The following PRDX1 variants were observed in gnomAD, a reference collection of about 807,000 sequenced individuals.
The protein encoded by PRDX1 is peroxiredoxin 1.
In PRDX1, 19 loss-of-function variants were observed where a neutral mutation model predicts 20.7. That is an observed-to-expected ratio of 0.92 (90% CI 0.64 to 1.35). The LOEUF is 1.35. Among genes scored for constraint, PRDX1 ranks in the 40% most tolerant of loss-of-function variants. The pLI, the probability that PRDX1 is intolerant of heterozygous loss-of-function variation, is 0.00. For synonymous variants in PRDX1, 89 were observed against 83.9 expected, an observed-to-expected ratio of 1.06 and a Z score of -0.33; for missense variants, 226 against 240.0, an observed-to-expected ratio of 0.94 and a Z score of 0.38.
chr1:45,514,425 G>T, intron 5 of PRDX1, 82 bp downstream of exon 5: 2 of 1,514,264 alleles, frequency 1.3e-6, no homozygotes, highest in South Asian at 2.3e-5. Context: ...TCCACCTAAC[G>T]AGAAACACCC....
At chr1:45,515,835 G>A in intron 2 of PRDX1, 28 bp from the exon 3 acceptor site, 5 of 1,533,608 alleles carry the variant, frequency 3.3e-6, no homozygotes, top group Non-Finnish European at 4.4e-6. Flanking sequence ...GTCATGGTTA[G>A]CATTTGACAC....
chr1:45,516,568 A>C (rs898944453), intron 2 of PRDX1, among the ~76,000 whole-genome samples: 3 of 152,208 alleles, frequency 2.0e-5, no homozygotes, highest in Admixed American at 6.5e-5. Flanking sequence ...TCTAGCTGCA[A>C]TTTTAATGAA....
chr1:45,515,432 T>C (rs1643840177), intron 3 of PRDX1, among the ~76,000 whole-genome samples: 1 of 151,778 alleles, frequency 6.6e-6, no homozygotes, highest in Admixed American at 6.6e-5. Context: ...ACACCGTCTC[T>C]ACTGAAAATA....
chr1:45,516,513 CAG>C (rs1240173948), intron 2 of PRDX1, among the ~76,000 whole-genome samples: 2 of 151,898 alleles, frequency 1.3e-5, no homozygotes, highest in South Asian at 2.1e-4. Flanking sequence ...AAGAGGGAGA[CAG>C]AGAGAGACAG....
chr1:45,511,284 TCTC>T lies in PRDX1; in HGVS notation c.*42_*44del. On this transcript the variant is annotated 3_prime_UTR_variant, in exon 6 of 6. Transcript: ENST00000319248. ...AAAAAAAATACAGAAGAGGTTTTGTTCTCATGGCTGCCCACCGCAGCCTGGCAC... is the reference window on the plus strand; with the variant it reads ...AAAAAAAATACAGAAGAGGTTTTGTTATGGCTGCCCACCGCAGCCTGGCAC... 2 of 1,470,732 alleles carry T rather than the reference TCTC, an allele frequency of 1.4e-6. No individual in the cohort carries two copies. The highest frequency in any genetic ancestry group is 2.1e-5 in the Admixed American group (1 of 47,268). The allele number at this position is 1,470,732 out of a possible 1,614,324, so 91.1% of individuals were successfully genotyped here.
chr1:45,519,920 A>G (rs897717270), intron 1 of PRDX1, among the ~76,000 whole-genome samples: 5 of 152,186 alleles, frequency 3.3e-5, no homozygotes, highest in Non-Finnish European at 5.9e-5. Flanking sequence ...TTTAAGAGGC[A>G]AGACCACTGG....
chr1:45,522,796 G>C (rs1423657891), upstream of PRDX1: 1 of 152,158 alleles, frequency 6.6e-6, no homozygotes, highest in African/African-American at 2.4e-5. Context: ...CCAGGCTGTA[G>C]TGCAGTGGCA....
In PRDX1 at chr1:45,515,707, G is replaced by A. The variant is rs1643848717; in HGVS notation, c.207C>T (p.Leu69=). The change falls in exon 3 of 6, where the codon CTC becomes CTT. Residue 69 remains leucine, a synonymous_variant. Coordinates refer to ENST00000319248, the MANE Select transcript of PRDX1 (RefSeq NM_181697.3). ...FSDRAEEFKK[L]NCQVIGASVD... is the part of the protein sequence containing the mutation. ...CAGAAGCACCAATCACTTGGCAGTT[G>A]AGTTTCTTAAATTCTTCTGCCCTAT... The A allele has an allele frequency of 6.2e-7, 1 of 1,606,472 alleles. No individual in the cohort carries two copies. The highest frequency in any genetic ancestry group is 1.7e-5 in the Admixed American group (1 of 58,580).
chr1:45,519,757 G>A (rs1286425955), intron 1 of PRDX1, among the ~76,000 whole-genome samples: 4 of 151,984 alleles, frequency 2.6e-5, no homozygotes, highest in East Asian at 1.9e-4. Context: ...CACCACACCC[G>A]GCTAATTTTT....
chr1:45,520,720 T>C (rs1286685986), intron 1 of PRDX1, among the ~76,000 whole-genome samples: 1 of 72,040 alleles, frequency 1.4e-5, no homozygotes, highest in Admixed American at 1.6e-4. Flanking sequence ...CGAGACTCCG[T>C]CTCAAAAAAA....
chr1:45,517,195 T>TTA, intron 2 of PRDX1, among the ~76,000 whole-genome samples: 1 of 152,220 alleles, frequency 6.6e-6, no homozygotes, highest in Non-Finnish European at 1.5e-5. Flanking sequence ...GACCTCCTGC[T>TTA]TATACCCCTG....
intron 2 of PRDX1, among the ~76,000 whole-genome samples, chr1:45,517,021 C>CA (rs10700951): frequency 0.1 from 9,312 of 89,560 alleles, 412 homozygotes; most frequent in Non-Finnish European, 0.15. Flanking sequence ...AATTCCACCT[C>CA]AAAAAAAAAA....
chr1:45,514,694 A>G, intron 4 of PRDX1, 57 bp from the exon 5 acceptor site: 1 of 1,605,944 alleles, frequency 6.2e-7, no homozygotes, highest in African/African-American at 1.3e-5. Flanking sequence ...CTTTGTTAGA[A>G]TACAGAGGCT....
At chr1:45,520,891 G>T (rs987253919) in intron 1 of PRDX1, among the ~76,000 whole-genome samples, 1 of 150,816 alleles carries the variant, frequency 6.6e-6, no homozygotes, top group African/African-American at 2.5e-5. Flanking sequence ...CCGACAGAGC[G>T]AGACTCTAGC....
In PRDX1 at chr1:45,511,101, TAATAC is replaced by T; in HGVS notation, c.*223_*227del. 1 of 412,262 alleles carries T rather than the reference TAATAC, an allele frequency of 2.4e-6. No individual in the cohort carries two copies. The highest frequency in any genetic ancestry group is 4.3e-6 in the Non-Finnish European group (1 of 231,648). The allele number at this position is 412,262 out of a possible 1,614,324, so 25.5% of individuals were successfully genotyped here. On this transcript the variant is annotated 3_prime_UTR_variant, in exon 6 of 6. Transcript: ENST00000319248. ...ACAAAAGATTAATGGGTTGCTCTACTAATACATCATACAAACCAGTAGCCTGCCCA... is the reference window on the plus strand; with the variant it reads ...ACAAAAGATTAATGGGTTGCTCTACTATCATACAAACCAGTAGCCTGCCCA...
intron 1 of PRDX1, among the ~76,000 whole-genome samples, chr1:45,519,467 G>A (rs1364669971): frequency 6.6e-6 from 1 of 152,212 alleles, no homozygotes; most frequent in Non-Finnish European, 1.5e-5. Context: ...CAAAAGTCAC[G>A]TTGACCTTTC....
chr1:45,515,629 A>C, intron 3 of PRDX1, 25 bp downstream of exon 3: 2 of 1,468,962 alleles, frequency 1.4e-6, no homozygotes, highest in South Asian at 2.6e-5. Context: ...AAAAGTTCAC[A>C]TGCCAAATAG....
chr1:45,521,575 G>T (rs1316109536), intron 1 of PRDX1: 1 of 152,324 alleles, frequency 6.6e-6, no homozygotes, highest in Non-Finnish European at 1.5e-5. Context: ...TGCTCGAGTT[G>T]CCGGGGGAAG....
At chr1:45,514,361 C>T (rs1451036887) in intron 5 of PRDX1, 146 bp downstream of exon 5, 2 of 1,002,316 alleles carry the variant, frequency 2.0e-6, no homozygotes, top group Non-Finnish European at 3.0e-6. Context: ...TCCCCTGGGC[C>T]CCCTTATTTC....
Sources: gnomAD v4.1 joint callset for allele counts (sites outside exome capture counted in the v4.1 genomes callset) on GRCh38, gnomAD v4.1.1 for gene constraint, MANE v1.5 for transcripts, NCBI Gene and HGNC (gene_info 2026-07-23, HGNC 2026-07-21) for gene names.